ZNF41: variants seen among roughly 807,000 people sequenced by gnomAD.
The protein encoded by ZNF41 is zinc finger protein 41.
ZNF41 carries 6 observed loss-of-function variants against 9.3 expected under a neutral mutation model. The ratio of observed to expected loss-of-function variants is 0.65; its 90% CI spans 0.35 to 1.28. The LOEUF (loss-of-function observed/expected upper bound fraction) is 1.28, where lower values mean the gene tolerates loss of function less well. ZNF41 is among the 50% of genes most tolerant of loss of function. The pLI is 0.03. For synonymous variants in ZNF41, 192 were observed against 207.1 expected (o/e 0.93, Z 0.63); for missense variants, 523 against 585.8 (o/e 0.89, Z 1.11).
intron 2 of ZNF41, 180 bp downstream of exon 2, chrX:47,467,230 G>T: frequency 1.0e-6 from 1 of 1,004,418 alleles, no homozygotes; most frequent in Non-Finnish European, 1.3e-6. Flanking sequence ...TTTGGATGTG[G>T]CCTCATCAGC....
Position 47,445,641 on chromosome X carries a change from C to T in ZNF41, c.*1789G>A, listed in dbSNP as rs1487361181. On this transcript the variant is annotated 3_prime_UTR_variant, in exon 5 of 5. Coordinates refer to ENST00000684689, the MANE Select transcript of ZNF41 (RefSeq NM_001324144.2). ...CTGAACATATGGATACACTTAGGTA[C>T]ATACCTAACAGGAATACATACATAT... 8.9e-6 allele frequency among the ~76,000 whole-genome samples: 1 copy of T among 111,898 alleles called. No homozygotes were observed. Among genetic ancestry groups the T allele is most frequent in the East Asian group, 2.8e-4 (1 of 3,595 alleles).
intron 1 of ZNF41, among the ~76,000 whole-genome samples, chrX:47,478,693 C>T (rs1455043575): frequency 9.0e-6 from 1 of 111,280 alleles, no homozygotes; most frequent in African/African-American, 3.3e-5. Context: ...TGCCTGTAGT[C>T]CCAGTACTTT....
chrX:47,458,782 G>GT (rs1184827489), intron 2 of ZNF41, among the ~76,000 whole-genome samples: 99 of 103,429 alleles, frequency 9.6e-4, no homozygotes, highest in East Asian at 3.7e-3. Context: ...TTTTTGTTTT[G>GT]TTTTTTTTTT....
chrX:47,471,861 A>G (rs1053872986), intron 1 of ZNF41, among the ~76,000 whole-genome samples: 54 of 112,050 alleles, frequency 4.8e-4, no homozygotes, highest in African/African-American at 1.7e-3. Flanking sequence ...AAGTTTATAA[A>G]AAGATGCTCG....
At chrX:47,462,034 A>T (rs187544016) in intron 2 of ZNF41, among the ~76,000 whole-genome samples, 10 of 80,956 alleles carry the variant, frequency 1.2e-4, no homozygotes, top group Non-Finnish European at 2.1e-4. Flanking sequence ...AGCTGTAAAA[A>T]CTTTTGCCCA....
At position 47,446,219 on chromosome X, in the gene ZNF41, G is replaced by A. The variant is rs2056108574; in HGVS notation, c.*1211C>T. On this transcript the variant is annotated 3_prime_UTR_variant, in exon 5 of 5. Transcript: ENST00000684689. ...GTAAAAAATGTTTAAGGGAAAATGA[G>A]AACGTGTCTATATATCAGTGTTAAA... is the stretch of plus-strand genomic sequence containing the variant. The A allele has an allele frequency of 9.0e-6, 1 of 111,687 alleles. No homozygotes were observed. The highest frequency in any genetic ancestry group is 1.9e-5 in the Non-Finnish European group (1 of 53,158). The allele number at this position is 111,687 out of a possible 1,213,427, so 9.2% of individuals were successfully genotyped here. A position where few individuals can be genotyped will look rare whatever the true frequency, so the allele number is the denominator to read the frequency against.
intron 2 of ZNF41, among the ~76,000 whole-genome samples, chrX:47,461,475 A>G (rs2056790937): frequency 9.3e-6 from 1 of 108,070 alleles, no homozygotes; most frequent in Non-Finnish European, 1.9e-5. Context: ...CAGTGGTGCA[A>G]TCTTGGCTCA....
chrX:47,454,272 G>C (rs982277723), intron 4 of ZNF41, among the ~76,000 whole-genome samples: 1 of 109,960 alleles, frequency 9.1e-6, no homozygotes, highest in Non-Finnish European at 1.9e-5. Context: ...TAGGAGGGAA[G>C]CTCAAAGAGG....
chrX:47,450,928 T>C (rs1361405125), intron 4 of ZNF41, among the ~76,000 whole-genome samples: 1 of 112,114 alleles, frequency 8.9e-6, no homozygotes, highest in Non-Finnish European at 1.9e-5. Flanking sequence ...CTCAGAATTA[T>C]CATGTAGGGG....
chrX:47,451,642 A>G (rs1490036327), intron 4 of ZNF41, among the ~76,000 whole-genome samples: 2 of 112,808 alleles, frequency 1.8e-5, no homozygotes, highest in East Asian at 5.6e-4. Flanking sequence ...TTGGGAGGCC[A>G]AGGCAGGCGG....
At chrX:47,480,277 A>G (rs2147858770) in intron 1 of ZNF41, among the ~76,000 whole-genome samples, 1 of 111,473 alleles carries the variant, frequency 9.0e-6, no homozygotes, top group Non-Finnish European at 1.9e-5. Flanking sequence ...AACAATACAC[A>G]TTTGGGAACT....
intron 1 of ZNF41, among the ~76,000 whole-genome samples, chrX:47,477,562 CTTATGTT>C (rs761259086): frequency 1.8e-5 from 2 of 112,324 alleles, no homozygotes; most frequent in Non-Finnish European, 3.8e-5. Context: ...TTTTAAAACT[CTTATGTT>C]TTAAGCCTCC....
chrX:47,455,488 G>A (rs112051399), intron 4 of ZNF41, among the ~76,000 whole-genome samples: 101 of 109,876 alleles, frequency 9.2e-4, no homozygotes, highest in African/African-American at 3.3e-3. Context: ...GGGAGGCTGA[G>A]GTGGGAGGAT....
chrX:47,474,264 T>C (rs1235231301), intron 1 of ZNF41, among the ~76,000 whole-genome samples: 2 of 110,790 alleles, frequency 1.8e-5, no homozygotes, highest in African/African-American at 6.6e-5. Flanking sequence ...ATCAGGAGTT[T>C]GAGACCAGCC....
At chrX:47,450,609 CCT>C (rs1304786199) in intron 4 of ZNF41, among the ~76,000 whole-genome samples, 1 of 111,885 alleles carries the variant, frequency 8.9e-6, no homozygotes, top group Non-Finnish European at 1.9e-5. Context: ...CAGGCCCTCC[CCT>C]GAGATCTATT....
chrX:47,476,806 C>T (rs5953048), intron 1 of ZNF41: 31,153 of 106,149 alleles, frequency 0.29, 3,591 homozygotes, highest in South Asian at 0.38. Context: ...CCTGTAATCC[C>T]AGCACTTTGG....
intron 1 of ZNF41, among the ~76,000 whole-genome samples, chrX:47,472,807 C>T (rs746398684): frequency 5.0e-4 from 55 of 109,881 alleles, no homozygotes; most frequent in Non-Finnish European, 9.9e-4. Flanking sequence ...ACTGCAACAT[C>T]TGCCTCCTGA....
chrX:47,464,973 C>T (rs1248597500), intron 2 of ZNF41, among the ~76,000 whole-genome samples: 4 of 110,663 alleles, frequency 3.6e-5, no homozygotes, highest in African/African-American at 1.3e-4. Context: ...GTAGCCTCAA[C>T]CTCCTGGGCT....
rs2147580664 is a variant in ZNF41 at position 47,456,261 on chromosome X, G to T, written c.199+11C>A. 1 of 1,211,143 alleles carries T rather than the reference G, an allele frequency of 8.3e-7. No individual in the cohort carries two copies. The highest frequency in any genetic ancestry group is 1.1e-6 in the Non-Finnish European group (1 of 895,220). On this transcript the variant is annotated intron_variant, in intron 3 of 4. Transcript: ENST00000684689. ...CCCTCATTAGCAGATGCATAGGGCGGCCGTGCTTACCCACTGAGAGCAGGT... is the reference window on the plus strand; with the variant it reads ...CCCTCATTAGCAGATGCATAGGGCGTCCGTGCTTACCCACTGAGAGCAGGT...
Sources: gnomAD v4.1 joint callset for allele counts (sites outside exome capture counted in the v4.1 genomes callset) on GRCh38, gnomAD v4.1.1 for gene constraint, MANE v1.5 for transcripts, NCBI Gene and HGNC (gene_info 2026-07-23, HGNC 2026-07-21) for gene names.